IMMP2L: variants seen among roughly 807,000 people sequenced by gnomAD.
IMMP2L encodes the protein mitochondrial inner membrane protease subunit 2.
A neutral mutation model predicts 19.3 loss-of-function variants in IMMP2L; 18 were observed. That is an observed-to-expected ratio of 0.93 (90% confidence interval 0.64 to 1.38). The LOEUF (loss-of-function observed/expected upper bound fraction) is 1.38. IMMP2L is among the 40% of genes most tolerant of loss of function. IMMP2L has a pLI of 0.00. For missense variants in IMMP2L, 233 were observed against 218.2 expected (o/e 1.07, Z -0.43); for synonymous variants, 76 against 73.0 (o/e 1.04, Z -0.21).
intron 3 of IMMP2L, among the ~76,000 whole-genome samples, chr7:111,450,518 G>A (rs1355796338): frequency 1.3e-5 from 2 of 151,164 alleles, no homozygotes; most frequent in African/African-American, 4.9e-5. Flanking sequence ...GTAGAAAGCT[G>A]AAACTGGATC....
intron 5 of IMMP2L, among the ~76,000 whole-genome samples, chr7:110,844,621 T>C (rs967146061): frequency 6.6e-6 from 1 of 150,426 alleles, no homozygotes. Context: ...GACACTGTAG[T>C]TTAGAAAGAT....
chr7:111,087,749 C>T (rs1205457555), intron 3 of IMMP2L, among the ~76,000 whole-genome samples: 7 of 151,766 alleles, frequency 4.6e-5, no homozygotes, highest in Non-Finnish European at 1.0e-4. Flanking sequence ...GTAATAAGAG[C>T]GATAAAGAGT....
chr7:111,310,055 G>A (rs1006026655), intron 3 of IMMP2L, among the ~76,000 whole-genome samples: 7 of 151,782 alleles, frequency 4.6e-5, no homozygotes, highest in African/African-American at 1.5e-4. Flanking sequence ...GCCAACATGG[G>A]GAAATCCCAA....
Position 111,475,695 on chromosome 7 carries a change from A to C in IMMP2L, c.239+11543T>G, listed in dbSNP as rs143676388. On this transcript the variant is annotated intron_variant, in intron 3 of 5. Transcript: ENST00000405709. Reference sequence around the variant, plus strand: ...CCAGAATAAATTACAAGGAACAAAGAAACAAAGATTTCTACCACTATCTTA... The same window carrying C: ...CCAGAATAAATTACAAGGAACAAAGCAACAAAGATTTCTACCACTATCTTA... 1.8e-3 allele frequency among the ~76,000 whole-genome samples: 270 copies of C among 152,208 alleles called. 6 individuals carry two copies. In the East Asian group the frequency reaches 0.041, roughly 23 times the overall value.
chr7:111,469,350 T>A (rs570278180), intron 3 of IMMP2L, among the ~76,000 whole-genome samples: 1 of 152,150 alleles, frequency 6.6e-6, no homozygotes, highest in African/African-American at 2.4e-5. Flanking sequence ...TTGGGCAGTA[T>A]GGCCATTTTC....
At chr7:110,736,215 C>A (rs1202610982) in intron 5 of IMMP2L, among the ~76,000 whole-genome samples, 2 of 152,166 alleles carry the variant, frequency 1.3e-5, no homozygotes, top group Admixed American at 6.5e-5. Context: ...CAGAGGATAA[C>A]CCCAAAAGCC....
At chr7:110,951,015 C>A (rs1254977500) in intron 4 of IMMP2L, among the ~76,000 whole-genome samples, 1 of 151,384 alleles carries the variant, frequency 6.6e-6, no homozygotes. Context: ...CTGAGTTAAG[C>A]CAGTTACAGA....
At chr7:111,354,838 C>A (rs1828537960) in intron 3 of IMMP2L, among the ~76,000 whole-genome samples, 1 of 151,642 alleles carries the variant, frequency 6.6e-6, no homozygotes, top group Non-Finnish European at 1.5e-5. Context: ...TATATGAAGA[C>A]AACTATAAAA....
intron 3 of IMMP2L, among the ~76,000 whole-genome samples, chr7:111,057,258 G>T (rs1309142267): frequency 6.6e-6 from 1 of 152,106 alleles, no homozygotes; most frequent in Non-Finnish European, 1.5e-5. Context: ...CCTTCCATAA[G>T]GTAGGCACCA....
intron 3 of IMMP2L, among the ~76,000 whole-genome samples, chr7:111,427,749 C>G (rs142608798): frequency 1.7e-4 from 26 of 151,828 alleles, no homozygotes; most frequent in African/African-American, 5.3e-4. Flanking sequence ...ATTAAGCACT[C>G]TTAATATTTA....
chr7:111,044,794 G>A (rs968411950), intron 3 of IMMP2L, among the ~76,000 whole-genome samples: 8 of 151,956 alleles, frequency 5.3e-5, no homozygotes, highest in Non-Finnish European at 1.0e-4. Flanking sequence ...TATGTAAGTG[G>A]GCTTTAAGTG....
chr7:111,329,679 A>AGT (rs1825686289), intron 3 of IMMP2L, among the ~76,000 whole-genome samples: 1 of 151,918 alleles, frequency 6.6e-6, no homozygotes, highest in Non-Finnish European at 1.5e-5. Context: ...ACAACAGGAG[A>AGT]GGTTTCTTTG....
chr7:110,939,529 C>A (rs973268615), intron 4 of IMMP2L, among the ~76,000 whole-genome samples: 1 of 152,212 alleles, frequency 6.6e-6, no homozygotes, highest in African/African-American at 2.4e-5. Flanking sequence ...CCTGGGTCAC[C>A]TGTAAAGTTA....
chr7:111,279,423 ACAAGTC>A (rs1358556874), intron 3 of IMMP2L, among the ~76,000 whole-genome samples: 1 of 152,182 alleles, frequency 6.6e-6, no homozygotes, highest in Non-Finnish European at 1.5e-5. Context: ...TAATCCAAAG[ACAAGTC>A]CGTTGAAGAG....
chr7:111,337,458 AT>A (rs1414920434), intron 3 of IMMP2L, among the ~76,000 whole-genome samples: 2 of 116,874 alleles, frequency 1.7e-5, no homozygotes, highest in Admixed American at 7.7e-5. Context: ...GGAAGGATGG[AT>A]GGATGGATGG....
intron 3 of IMMP2L, chr7:111,099,732 TAA>T (rs1163503694): frequency 1.3e-5 from 2 of 151,424 alleles, no homozygotes; most frequent in East Asian, 3.9e-4. Flanking sequence ...ATTAGACAAC[TAA>T]AAAAAGAAAT....
intron 4 of IMMP2L, among the ~76,000 whole-genome samples, chr7:110,951,011 T>G (rs533902134): frequency 6.6e-6 from 1 of 151,656 alleles, no homozygotes; most frequent in South Asian, 2.1e-4. Context: ...TATGCTGAGT[T>G]AAGCCAGTTA....
At chr7:111,086,243 T>C (rs892158672) in intron 3 of IMMP2L, among the ~76,000 whole-genome samples, 1 of 141,680 alleles carries the variant, frequency 7.1e-6, no homozygotes, top group African/African-American at 2.7e-5. Context: ...AGAGACCCCA[T>C]CTCTACTCAA....
Position 111,387,465 on chromosome 7 carries a change from C to T in IMMP2L, c.239+99773G>A, listed in dbSNP as rs145239378. Among the ~76,000 whole-genome samples, 211 of 152,234 alleles carry T rather than the reference C, an allele frequency of 1.4e-3. 1 individual carries two copies. The highest frequency in any genetic ancestry group is 3.4e-3 in the Middle Eastern group (1 of 294). ...ACCAATAAACAAGGTTCAACAAGAACTCGTTTTAGCTATTGCTTATCAAGC... is the reference window on the plus strand; with the variant it reads ...ACCAATAAACAAGGTTCAACAAGAATTCGTTTTAGCTATTGCTTATCAAGC... On this transcript the variant is annotated intron_variant, in intron 3 of 5. Transcript: ENST00000405709.
Sources: allele counts gnomAD v4.1 joint callset (sites outside exome capture counted in the v4.1 genomes callset), GRCh38; gene constraint gnomAD v4.1.1; transcripts MANE v1.5; gene names NCBI Gene and HGNC (gene_info 2026-07-23, HGNC 2026-07-21).